ADGRL3: variants seen among roughly 807,000 people sequenced by gnomAD.
ADGRL3 encodes the protein calcium-independent alpha-latrotoxin receptor 3.
A neutral mutation model predicts 153.5 loss-of-function variants in ADGRL3; 62 were observed. The ratio of observed to expected loss-of-function variants is 0.40; its 90% CI spans 0.33 to 0.50. The LOEUF is 0.50. ADGRL3 is among the 20% of genes least tolerant of loss of function. The pLI, the probability that ADGRL3 is intolerant of heterozygous loss-of-function variation, is 0.47. For synonymous variants in ADGRL3, 710 were observed against 672.5 expected (o/e 1.06, Z -0.86); for missense variants, 1,641 against 1,859.4 (o/e 0.88, Z 2.16).
At chr4:61,467,215 A>G (rs868645420) in intron 2 of ADGRL3, among the ~76,000 whole-genome samples, 7 of 152,102 alleles carry the variant, frequency 4.6e-5, no homozygotes, top group African/African-American at 1.7e-4. Context: ...ATGTTAAGGC[A>G]TGCATTTTAT....
At chr4:61,788,956 T>TA (rs1271124573) in intron 8 of ADGRL3, among the ~76,000 whole-genome samples, 3 of 152,296 alleles carry the variant, frequency 2.0e-5, no homozygotes, top group African/African-American at 7.2e-5. Flanking sequence ...ATTTAAATCT[T>TA]AAAGTCTAAT....
intron 2 of ADGRL3, chr4:61,385,583 T>C (rs2096726834): frequency 6.6e-6 from 1 of 152,188 alleles, no homozygotes; most frequent in Non-Finnish European, 1.5e-5. Context: ...CCCACCTTTC[T>C]TTCTTCAGCA....
At chr4:61,773,198 C>T (rs2097106221) in intron 8 of ADGRL3, among the ~76,000 whole-genome samples, 1 of 152,176 alleles carries the variant, frequency 6.6e-6, no homozygotes, top group Non-Finnish European at 1.5e-5. Context: ...AGACTTGAAT[C>T]TGACAATCAT....
At chr4:61,786,054 A>T (rs567440551) in intron 8 of ADGRL3, among the ~76,000 whole-genome samples, 2 of 152,266 alleles carry the variant, frequency 1.3e-5, no homozygotes, top group South Asian at 4.1e-4. Flanking sequence ...TTATGTGCTT[A>T]AAAGACATAT....
At chr4:61,592,673 G>A (rs2098974353) in intron 5 of ADGRL3, among the ~76,000 whole-genome samples, 2 of 152,116 alleles carry the variant, frequency 1.3e-5, no homozygotes, top group South Asian at 2.1e-4. Flanking sequence ...TTTCAATTCT[G>A]GAAGTACATT....
chr4:61,767,446 T>C (rs898800774), intron 8 of ADGRL3, among the ~76,000 whole-genome samples: 11 of 151,844 alleles, frequency 7.2e-5, no homozygotes, highest in South Asian at 2.1e-4. Flanking sequence ...GTGGAGTGAG[T>C]AGCCTCCGTA....
chr4:61,689,679 C>A (rs973802550), intron 6 of ADGRL3, among the ~76,000 whole-genome samples: 1 of 152,210 alleles, frequency 6.6e-6, no homozygotes, highest in South Asian at 2.1e-4. Context: ...TCCAGTTTCT[C>A]ATTTTAATTC....
intron 9 of ADGRL3, among the ~76,000 whole-genome samples, chr4:61,829,361 T>C (rs1252876258): frequency 6.6e-6 from 1 of 152,182 alleles, no homozygotes; most frequent in African/African-American, 2.4e-5. Context: ...TTTAAGCACA[T>C]GGACTTAATC....
intron 2 of ADGRL3, among the ~76,000 whole-genome samples, chr4:61,384,802 T>C (rs2151936436): frequency 6.6e-6 from 1 of 152,078 alleles, no homozygotes; most frequent in African/African-American, 2.4e-5. Flanking sequence ...CTTGCAAACA[T>C]TATACTAACT....
intron 1 of ADGRL3, among the ~76,000 whole-genome samples, chr4:61,357,441 T>C (rs1399986111): frequency 1.3e-5 from 2 of 152,096 alleles, no homozygotes; most frequent in Admixed American, 6.6e-5. Flanking sequence ...AAGAGGAAAA[T>C]AGGAAATTTG....
chr4:61,433,763 A>G (rs1335580652), intron 2 of ADGRL3, among the ~76,000 whole-genome samples: 1 of 152,164 alleles, frequency 6.6e-6, no homozygotes, highest in East Asian at 1.9e-4. Flanking sequence ...TGCCTAATTG[A>G]CATATCAGTT....
intron 17 of ADGRL3, among the ~76,000 whole-genome samples, chr4:61,975,959 A>G (rs2099046471): frequency 6.6e-6 from 1 of 152,154 alleles, no homozygotes; most frequent in Non-Finnish European, 1.5e-5. Flanking sequence ...TTGATATCTT[A>G]TCAAATATCC....
chr4:61,305,381 A>G (rs1283077089), intron 1 of ADGRL3, among the ~76,000 whole-genome samples: 1 of 152,150 alleles, frequency 6.6e-6, no homozygotes, highest in Non-Finnish European at 1.5e-5. Context: ...AAGGAGTTCA[A>G]GTTTAAAGTA....
intron 4 of ADGRL3, among the ~76,000 whole-genome samples, chr4:61,576,880 A>G (rs1433760258): frequency 3.3e-5 from 5 of 151,828 alleles, no homozygotes; most frequent in African/African-American, 1.2e-4. Flanking sequence ...GTAGACAGCA[A>G]TTGTCCAATT....
At chr4:61,699,995 G>C (rs2095720370) in intron 6 of ADGRL3, among the ~76,000 whole-genome samples, 1 of 151,636 alleles carries the variant, frequency 6.6e-6, no homozygotes, top group Non-Finnish European at 1.5e-5. Context: ...GAGAGAGAGA[G>C]AGAAGACATA....
chr4:61,825,041 C>G (rs1415485236), intron 9 of ADGRL3, among the ~76,000 whole-genome samples: 1 of 152,154 alleles, frequency 6.6e-6, no homozygotes, highest in Non-Finnish European at 1.5e-5. Context: ...GCACTTGGCT[C>G]TCTCAATGCC....
intron 8 of ADGRL3, chr4:61,775,406 G>GTA (rs914988915): frequency 2.0e-6 from 1 of 490,746 alleles, no homozygotes; most frequent in Admixed American, 2.8e-5. Context: ...CTTTCTTTGT[G>GTA]TGTGTGTGTG....
At chr4:61,281,913 A>G (rs952221982) in intron 1 of ADGRL3, among the ~76,000 whole-genome samples, 2 of 152,074 alleles carry the variant, frequency 1.3e-5, no homozygotes, top group Non-Finnish European at 2.9e-5. Flanking sequence ...AGATTCACCA[A>G]TGTGAATATA....
intron 6 of ADGRL3, among the ~76,000 whole-genome samples, chr4:61,720,380 G>T (rs1024842443): frequency 1.3e-5 from 2 of 152,156 alleles, no homozygotes; most frequent in African/African-American, 4.8e-5. Context: ...GAGCCACCAT[G>T]CCCGACTAGA....
Sources: gnomAD v4.1 joint callset for allele counts (sites outside exome capture counted in the v4.1 genomes callset) on GRCh38, gnomAD v4.1.1 for gene constraint, MANE v1.5 for transcripts, NCBI Gene and HGNC (gene_info 2026-07-23, HGNC 2026-07-21) for gene names.